CNTN6: variants seen among roughly 807,000 people sequenced by gnomAD.
CNTN6 encodes contactin-6.
CNTN6 carries 137 observed loss-of-function variants against 122.8 expected under a neutral mutation model. That is an observed-to-expected ratio of 1.12 (90% CI 0.97 to 1.29). The LOEUF is 1.29. CNTN6 is among the 50% of genes most tolerant of loss of function. CNTN6 has a pLI of 0.00. For synonymous variants in CNTN6, 570 were observed against 426.0 expected (o/e 1.34, Z -4.16); for missense variants, 1,634 against 1,223.4 (o/e 1.34, Z -5.01).
At chr3:1,156,687 CCCT>C (rs2092973492) in intron 2 of CNTN6, among the ~76,000 whole-genome samples, 1 of 141,960 alleles carries the variant, frequency 7.0e-6, no homozygotes, top group African/African-American at 2.6e-5. Flanking sequence ...TCCTTTCCCT[CCCT>C]CCCTTCCTTC....
chr3:1,153,778 A>G (rs2092901198), intron 2 of CNTN6, among the ~76,000 whole-genome samples: 1 of 152,222 alleles, frequency 6.6e-6, no homozygotes, highest in African/African-American at 2.4e-5. Context: ...AATATTCACT[A>G]TGACCAAGAT....
At chr3:1,145,408 G>C (rs926530120) in intron 1 of CNTN6, among the ~76,000 whole-genome samples, 1 of 152,176 alleles carries the variant, frequency 6.6e-6, no homozygotes, top group African/African-American at 2.4e-5. Context: ...TAACTCCCCA[G>C]CTGTATTGTC....
intron 12 of CNTN6, among the ~76,000 whole-genome samples, chr3:1,358,532 G>T (rs1706956173): frequency 6.6e-6 from 1 of 151,202 alleles, no homozygotes; most frequent in African/African-American, 2.4e-5. Flanking sequence ...TATGTTTTCA[G>T]TCTCTGGATC....
In CNTN6 at chr3:1,103,743, T is replaced by C. The variant is rs1446916837; in HGVS notation, c.-83+10623T>C. Among the ~76,000 whole-genome samples the C allele has an allele frequency of 2.6e-5, 4 of 152,182 alleles. No homozygotes were observed. In the East Asian group the frequency reaches 7.7e-4, roughly 29 times the overall value. On this transcript the variant is annotated intron_variant, in intron 1 of 22. Transcript: ENST00000446702. ...ACCATTAGGGGGCTCCTTTTACTTA[T>C]GAGGCAAAAGTCATTTTTCCAAAGA... is the stretch of plus-strand genomic sequence containing the variant.
At chr3:1,098,244 TAATAA>T (rs1286937784) in intron 1 of CNTN6, among the ~76,000 whole-genome samples, 1 of 144,690 alleles carries the variant, frequency 6.9e-6, no homozygotes, top group Non-Finnish European at 1.5e-5. Flanking sequence ...ATAATACTAA[TAATAA>T]AATAAAAATA....
At chr3:1,181,314 A>G (rs1262297378) in intron 2 of CNTN6, among the ~76,000 whole-genome samples, 1 of 152,152 alleles carries the variant, frequency 6.6e-6, no homozygotes, top group Non-Finnish European at 1.5e-5. Flanking sequence ...AAGGGGGAAA[A>G]ATCCTGAGGT....
At chr3:1,389,604 A>AAAGAC (rs1693781042) in intron 20 of CNTN6, among the ~76,000 whole-genome samples, 3 of 127,210 alleles carry the variant, frequency 2.4e-5, no homozygotes, top group East Asian at 4.4e-4. Context: ...GCTCTAATTA[A>AAAGAC]AAGACACAGA....
At chr3:1,246,679 T>C (rs3913300) in intron 4 of CNTN6, among the ~76,000 whole-genome samples, 44,525 of 152,062 alleles carry the variant, frequency 0.29, 6,886 homozygotes, top group African/African-American at 0.38. Context: ...CTTGACAATA[T>C]TTGATATGAT....
chr3:1,099,892 G>T (rs1343440390), intron 1 of CNTN6, among the ~76,000 whole-genome samples: 1 of 151,500 alleles, frequency 6.6e-6, no homozygotes, highest in South Asian at 2.1e-4. Flanking sequence ...TCCCTTTATC[G>T]TATTTTAGTA....
chr3:1,306,997 C>T (rs1171033905), intron 7 of CNTN6, among the ~76,000 whole-genome samples: 1 of 152,056 alleles, frequency 6.6e-6, no homozygotes, highest in Non-Finnish European at 1.5e-5. Context: ...TACCTCATTC[C>T]ATCATTAATT....
At chr3:1,106,277 A>G (rs1167526040) in intron 1 of CNTN6, among the ~76,000 whole-genome samples, 3 of 152,178 alleles carry the variant, frequency 2.0e-5, no homozygotes, top group African/African-American at 7.2e-5. Context: ...AATGTGAGAT[A>G]TATAACTTGC....
intron 12 of CNTN6, among the ~76,000 whole-genome samples, chr3:1,358,911 T>C (rs563078044): frequency 3.0e-4 from 46 of 151,686 alleles, no homozygotes; most frequent in African/African-American, 1.1e-3. Context: ...ATAAGAAAAA[T>C]TAGTAAGGCA....
intron 7 of CNTN6, among the ~76,000 whole-genome samples, chr3:1,300,553 AAGAAAAAGAAAGAAAGAAAG>A (rs1294232669): frequency 4.5e-5 from 4 of 89,678 alleles, no homozygotes; most frequent in African/African-American, 9.4e-5. Flanking sequence ...AAGAAAGAGA[AAGAAAAAGAAAGAAAGAAAG>A]AAAGAAAGAA....
At chr3:1,225,819 T>C (rs1451486792) in intron 3 of CNTN6, among the ~76,000 whole-genome samples, 2 of 152,102 alleles carry the variant, frequency 1.3e-5, no homozygotes, top group South Asian at 2.1e-4. Flanking sequence ...CTTTAACTGC[T>C]GTCTTTCAAC....
At chr3:1,280,872 TG>T (rs1304272716) in intron 5 of CNTN6, among the ~76,000 whole-genome samples, 1 of 152,190 alleles carries the variant, frequency 6.6e-6, no homozygotes, top group East Asian at 1.9e-4. Flanking sequence ...GATAACTGGC[TG>T]TTAAGGGACA....
chr3:1,143,296 C>A (rs1413509875), intron 1 of CNTN6, among the ~76,000 whole-genome samples: 3 of 152,012 alleles, frequency 2.0e-5, no homozygotes, highest in South Asian at 2.1e-4. Context: ...CAATTTCATG[C>A]AAGAAAAAGT....
intron 20 of CNTN6, among the ~76,000 whole-genome samples, chr3:1,396,412 T>C (rs765840725): frequency 6.6e-6 from 1 of 152,188 alleles, no homozygotes; most frequent in African/African-American, 2.4e-5. Context: ...TTGGAAAAAG[T>C]TGGAATGGGA....
chr3:1,315,856 G>A (rs1404331633), intron 7 of CNTN6, among the ~76,000 whole-genome samples: 1 of 151,882 alleles, frequency 6.6e-6, no homozygotes, highest in Non-Finnish European at 1.5e-5. Flanking sequence ...TGAGATGCAG[G>A]AAATTTACAC....
chr3:1,295,115 G>A (rs1256799491), intron 5 of CNTN6, among the ~76,000 whole-genome samples: 5 of 152,208 alleles, frequency 3.3e-5, no homozygotes, highest in Non-Finnish European at 5.9e-5. Context: ...ATTATGTAAT[G>A]ATCAAATGAG....
Sources: allele counts gnomAD v4.1 joint callset (sites outside exome capture counted in the v4.1 genomes callset), GRCh38; gene constraint gnomAD v4.1.1; transcripts MANE v1.5; gene names NCBI Gene and HGNC (gene_info 2026-07-23, HGNC 2026-07-21).